The following SLC4A7 variants were observed in gnomAD, a reference collection of about 807,000 sequenced individuals.
SLC4A7 encodes the protein solute carrier family 4 member 7, also known as sodium bicarbonate cotransporter 3.
Under a neutral mutation model 137.6 loss-of-function variants are expected in SLC4A7, and 51 were observed. The observed-to-expected ratio is 0.37, with a 90% CI of 0.30 to 0.47. SLC4A7 has a LOEUF of 0.47. SLC4A7 is among the 20% of genes least tolerant of loss of function. The pLI, the probability that SLC4A7 is intolerant of heterozygous loss-of-function variation, is 1.00. For synonymous variants in SLC4A7, 542 were observed against 518.6 expected, an observed-to-expected ratio of 1.05 and a Z score of -0.61; for missense variants, 1,247 against 1,525.4, an observed-to-expected ratio of 0.82 and a Z score of 3.04.
At chr3:27,482,800 A>G (rs979839962) in intron 1 of SLC4A7, among the ~76,000 whole-genome samples, 3 of 152,162 alleles carry the variant, frequency 2.0e-5, no homozygotes, top group African/African-American at 7.2e-5. Context: ...ATTACAGATT[A>G]TTTAGGATGA....
intron 10 of SLC4A7, among the ~76,000 whole-genome samples, chr3:27,420,492 A>T (rs947174017): frequency 2.0e-5 from 3 of 152,268 alleles, no homozygotes; most frequent in Admixed American, 6.5e-5. Flanking sequence ...ACAAAAAAAA[A>T]TTTTTAAATA....
At chr3:27,398,691 C>G (rs1489542224) in intron 16 of SLC4A7, among the ~76,000 whole-genome samples, 1 of 152,146 alleles carries the variant, frequency 6.6e-6, no homozygotes, top group Non-Finnish European at 1.5e-5. Context: ...AATGTTTCTT[C>G]TGCATTCTTG....
chr3:27,457,039 T>G, intron 1 of SLC4A7: 1 of 547,414 alleles, frequency 1.8e-6, no homozygotes, highest in Non-Finnish European at 2.3e-6. Flanking sequence ...TGTGAGAGTA[T>G]GGTTTATAAT....
At chr3:27,436,263 C>G (rs2056734036) in intron 5 of SLC4A7, 125 bp downstream of exon 5, 1 of 628,678 alleles carries the variant, frequency 1.6e-6, no homozygotes, top group Non-Finnish European at 2.5e-6. Flanking sequence ...TTATCAAAGA[C>G]AAAAATTCTA....
intron 21 of SLC4A7, among the ~76,000 whole-genome samples, chr3:27,390,967 G>A (rs1428962083): frequency 6.6e-6 from 1 of 152,064 alleles, no homozygotes; most frequent in East Asian, 1.9e-4. Context: ...AGCACTACAA[G>A]TACACACACC....
At position 27,373,449 on chromosome 3, in the gene SLC4A7, C is replaced by T. The variant is rs182771211; in HGVS notation, c.*3315G>A. 53 of 152,118 alleles carry T rather than the reference C, an allele frequency of 3.5e-4. No homozygotes were observed. The highest frequency in any genetic ancestry group is 1.1e-3 in the African/African-American group (46 of 41,534). The allele number at this position is 152,118 out of a possible 1,614,324, so 9.4% of individuals were successfully genotyped here. Reference sequence around the variant, plus strand: ...ACATTTCACATATTTGCACTGCATACGATAAAAATGATGTGATCTACATAA... The same window carrying T: ...ACATTTCACATATTTGCACTGCATATGATAAAAATGATGTGATCTACATAA... On this transcript the variant is annotated 3_prime_UTR_variant, in exon 26 of 26. Transcript: ENST00000454389.
intron 13 of SLC4A7, among the ~76,000 whole-genome samples, chr3:27,405,671 A>G (rs2053269368): frequency 6.6e-6 from 1 of 152,206 alleles, no homozygotes; most frequent in Non-Finnish European, 1.5e-5. Flanking sequence ...ATTTCTAAAG[A>G]GCAAAACTTT....
chr3:27,465,082 G>A (rs972385902), intron 1 of SLC4A7, among the ~76,000 whole-genome samples: 14 of 152,120 alleles, frequency 9.2e-5, no homozygotes, highest in African/African-American at 3.1e-4. Context: ...CGGATTGCCT[G>A]AGCTCTGGGG....
At chr3:27,408,680 A>G (rs2053619031) in intron 13 of SLC4A7, among the ~76,000 whole-genome samples, 1 of 152,242 alleles carries the variant, frequency 6.6e-6, no homozygotes, top group Non-Finnish European at 1.5e-5. Flanking sequence ...CAACAACAAC[A>G]AAGAAATGCC....
chr3:27,447,180 C>G (rs2057723728), intron 3 of SLC4A7, among the ~76,000 whole-genome samples: 1 of 151,882 alleles, frequency 6.6e-6, no homozygotes, highest in South Asian at 2.1e-4. Flanking sequence ...GCCACCGCGC[C>G]CAGCTGAGTA....
chr3:27,436,619 G>T, intron 4 of SLC4A7, 71 bp from the exon 5 acceptor site: 12 of 836,576 alleles, frequency 1.4e-5, no homozygotes, highest in East Asian at 3.2e-5. Flanking sequence ...ATGTGATAAA[G>T]AAACATTTGT....
intron 3 of SLC4A7, among the ~76,000 whole-genome samples, chr3:27,438,555 CAT>C (rs1391118232): frequency 2.7e-5 from 4 of 149,036 alleles, no homozygotes; most frequent in African/African-American, 9.8e-5. Flanking sequence ...AATAAAATAA[CAT>C]AACATAACAT....
At chr3:27,424,447 C>T (rs2055335559) in intron 7 of SLC4A7, 1 of 225,736 alleles carries the variant, frequency 4.4e-6, no homozygotes, top group South Asian at 1.6e-4. Flanking sequence ...GATGGAAGAC[C>T]TGAGTCTGAT....
At position 27,431,657 on chromosome 3, in the gene SLC4A7, G is replaced by A. The variant is rs1380040877; in HGVS notation, c.791C>T (p.Ser264Leu). The A allele has an allele frequency of 1.9e-6, 3 of 1,570,154 alleles. No individual in the cohort carries two copies. The highest frequency in any genetic ancestry group is 1.4e-5 in the African/African-American group (1 of 73,270). ...HLLERNGEGL[S>L]ASRHSLRTGL... ...TGTTCGCAAAGAGTGGCGGGAGGCT[G>A]AAAGGCCTTCCCCTGAGATAAAACA... Residue 264 changes from serine to leucine, a missense_variant, in exon 7 of 26, where the codon TCA (serine) becomes TTA (leucine). Physicochemically the swap from Ser to Leu is moderately radical, Grantham distance 145. This residue lies in a region of SLC4A7 where 223 missense variants were observed against 203.6 expected (regional missense o/e 1.10). Transcript: ENST00000454389.
intron 16 of SLC4A7, among the ~76,000 whole-genome samples, chr3:27,400,257 C>A (rs2052615247): frequency 1.3e-5 from 2 of 152,166 alleles, no homozygotes. Context: ...AATTCTTTTT[C>A]CTTTCTCTTC....
rs143347053 is a variant in SLC4A7, at chr3:27,431,482, G to A, written c.966C>T (p.Ser322=). The A allele has an allele frequency of 1.9e-6, 3 of 1,614,046 alleles. No homozygotes were observed. Among genetic ancestry groups the A allele is most frequent in the African/African-American group, 2.7e-5 (2 of 74,928 alleles). ...TGGAGGTCAGGCGGCTGATGCTAGG[G>A]CTAGAAGGAGGACTGTTTTGAGGGG... The part of the protein sequence containing the change: ...VPTPQNSPPS[S]PSISRLTSRS... Residue 322 remains serine, a synonymous_variant, in exon 7 of 26, where the codon AGC becomes AGT. Transcript: ENST00000454389.
At chr3:27,395,949 A>G (rs2150113200) in intron 18 of SLC4A7, among the ~76,000 whole-genome samples, 1 of 152,302 alleles carries the variant, frequency 6.6e-6, no homozygotes, top group Admixed American at 6.5e-5. Flanking sequence ...TTCCAAAGGA[A>G]CTACTAACAA....
At chr3:27,477,428 A>G (rs2059505664) in intron 1 of SLC4A7, among the ~76,000 whole-genome samples, 1 of 152,182 alleles carries the variant, frequency 6.6e-6, no homozygotes, top group South Asian at 2.1e-4. Context: ...TTCAGGCCCT[A>G]CCATTGGAGG....
rs1162435010 is a variant in SLC4A7, at chr3:27,372,898, T to C, written c.*3866A>G. 1 of 152,638 alleles carries C rather than the reference T, an allele frequency of 6.6e-6. No individual in the cohort carries two copies. The highest frequency in any genetic ancestry group is 1.5e-5 in the Non-Finnish European group (1 of 68,036). The allele number at this position is 152,638 out of a possible 1,614,324, so 9.5% of individuals were successfully genotyped here. On this transcript the variant is annotated 3_prime_UTR_variant, in exon 26 of 26. Transcript: ENST00000454389. ...CAGTTCTACAATTTAAATGTTTACT[T>C]TGGATTTTATTATAGAAGAAAATAT...
Sources: gnomAD v4.1 joint callset for allele counts (sites outside exome capture counted in the v4.1 genomes callset) on GRCh38, gnomAD v4.1.1 for gene constraint, gnomAD v4.1.1 regional missense constraint, MANE v1.5 for transcripts, NCBI Gene and HGNC (gene_info 2026-07-23, HGNC 2026-07-21) for gene names.